Variants in IBTK observed in about 807,000 individuals in gnomAD.
IBTK encodes BTK-binding protein.
A neutral mutation model predicts 154.9 loss-of-function variants in IBTK; 83 were observed. The observed-to-expected ratio is 0.54, with a 90% CI of 0.45 to 0.64. IBTK has a LOEUF of 0.64. IBTK is among the 30% of genes least tolerant of loss of function. The pLI, the probability that IBTK is intolerant of heterozygous loss-of-function variation, is 0.00. For synonymous variants in IBTK, 515 were observed against 536.1 expected (o/e 0.96, Z 0.54); for missense variants, 1,332 against 1,584.6 (o/e 0.84, Z 2.71).
intron 11 of IBTK, among the ~76,000 whole-genome samples, chr6:82,215,081 G>A (rs569346203): frequency 3.7e-4 from 56 of 151,872 alleles, no homozygotes; most frequent in African/African-American, 1.1e-3. Context: ...TAAGTTGTCC[G>A]TATCCCTGGT....
chr6:82,173,415 C>T lies in IBTK; in HGVS notation c.3749G>A (p.Gly1250Glu), dbSNP rs767308341. 6.2e-7 allele frequency: 1 copy of T among 1,613,462 alleles called. No individual in the cohort carries two copies. The highest frequency in any genetic ancestry group is 2.2e-5 in the East Asian group (1 of 44,858). Residue 1250 changes from glycine (G) to glutamate (E), a missense_variant, in exon 27 of 29, where the codon GGA becomes GAA. Transcript: ENST00000306270. ...IVRCSTHGTP[G>E]PEGNHISDLP... ...ATCTGAAATATGGTTGCCTTCTGGTCCTGGGGTACCATGGGTAGAGCATCT... is the reference window on the plus strand; with the variant it reads ...ATCTGAAATATGGTTGCCTTCTGGTTCTGGGGTACCATGGGTAGAGCATCT...
chr6:82,209,218 G>T (rs1305580180), intron 16 of IBTK, among the ~76,000 whole-genome samples: 1 of 152,138 alleles, frequency 6.6e-6, no homozygotes, highest in Non-Finnish European at 1.5e-5. Flanking sequence ...TCCGCTTCTA[G>T]GTATATGCCC....
intron 26 of IBTK, chr6:82,174,958 T>G (rs552117526): frequency 8.8e-6 from 4 of 456,046 alleles, no homozygotes; most frequent in Non-Finnish European, 1.8e-5. Context: ...CTTCTCACTC[T>G]TTTACAGTTG....
intron 1 of IBTK, among the ~76,000 whole-genome samples, chr6:82,246,783 T>G (rs1771164470): frequency 6.6e-6 from 1 of 152,264 alleles, no homozygotes; most frequent in African/African-American, 2.4e-5. Flanking sequence ...GGCAAGCCTG[T>G]GAATTTACAC....
intron 9 of IBTK, among the ~76,000 whole-genome samples, 154 bp from the exon 10 acceptor site, chr6:82,218,291 A>C (rs1280992699): frequency 6.6e-6 from 1 of 152,234 alleles, no homozygotes; most frequent in South Asian, 2.1e-4. Flanking sequence ...GATAGCTACT[A>C]TAAGAAAAAT....
chr6:82,227,131 T>C, intron 5 of IBTK, 61 bp downstream of exon 5: 1 of 1,136,824 alleles, frequency 8.8e-7, no homozygotes, highest in Non-Finnish European at 1.3e-6. Flanking sequence ...GTTAATTAAA[T>C]CTTTCAGCTT....
intron 26 of IBTK, among the ~76,000 whole-genome samples, chr6:82,176,164 T>C (rs1363529892): frequency 6.6e-6 from 1 of 152,172 alleles, no homozygotes; most frequent in Non-Finnish European, 1.5e-5. Flanking sequence ...GATTTTTATA[T>C]CAGATTGGAG....
chr6:82,225,590 T>C lies in IBTK; in HGVS notation c.712A>G (p.Lys238Glu), dbSNP rs1172470498. The C allele has an allele frequency of 6.2e-7, 1 of 1,613,558 alleles. No homozygotes were observed. Among genetic ancestry groups the C allele is most frequent in the Non-Finnish European group, 8.5e-7 (1 of 1,179,766 alleles). The change falls in exon 6 of 29, where the codon AAG (lysine) becomes GAG (glutamate). Residue 238 changes from lysine to glutamate, a missense_variant. Physicochemically the swap from Lys to Glu is moderately conservative, Grantham distance 56. Around this residue, in one of 3 missense-constraint regions of IBTK, gnomAD observed 114 missense variants for 213.7 expected, o/e 0.53. Transcript: ENST00000306270. ...GHNCSQVAAAKDHTVVLTEDG... is the reference protein window; with the variant it reads ...GHNCSQVAAAEDHTVVLTEDG... ...TCAGTTAATACAACAGTATGATCCT[T>C]AGCAGCTGCCACTTGGGAACAATTA...
In IBTK at chr6:82,240,773, G is replaced by A. The variant is rs1023707565; in HGVS notation, c.-287C>T. ...ATTATTCCTGGAGTCAAGCACCAAG[G>A]GGGAGTGAGGAGGGGAACTCCCCCT... On this transcript the variant is annotated 5_prime_UTR_variant, in exon 2 of 29. Coordinates refer to ENST00000306270, the MANE Select transcript of IBTK (RefSeq NM_015525.4). 4.4e-6 allele frequency: 2 copies of A among 454,436 alleles called. No homozygotes were observed. Among genetic ancestry groups the A allele is most frequent in the Non-Finnish European group, 7.7e-6 (2 of 260,584 alleles). The allele number at this position is 454,436 out of a possible 1,614,324, so 28.2% of individuals were successfully genotyped here.
chr6:82,210,997 A>G (rs938107643), intron 15 of IBTK, 87 bp from the exon 16 acceptor site: 2 of 634,132 alleles, frequency 3.2e-6, no homozygotes, highest in Non-Finnish European at 5.0e-6. Flanking sequence ...GGTACAAAAC[A>G]CTCTGAACAG....
chr6:82,177,196 T>C (rs1380153850), intron 26 of IBTK, among the ~76,000 whole-genome samples: 1 of 138,576 alleles, frequency 7.2e-6, no homozygotes, highest in Non-Finnish European at 1.7e-5. Flanking sequence ...TTTCTTTTTG[T>C]TTTGTTGTTG....
intron 5 of IBTK, 115 bp from the exon 6 acceptor site, chr6:82,225,762 T>G: frequency 2.8e-6 from 2 of 724,798 alleles, no homozygotes; most frequent in Non-Finnish European, 4.4e-6. Context: ...GATACATGGC[T>G]GTATCTATCA....
chr6:82,194,681 C>T, intron 22 of IBTK, 39 bp from the exon 23 acceptor site: 1 of 1,443,092 alleles, frequency 6.9e-7, no homozygotes, highest in Non-Finnish European at 9.2e-7. Context: ...TAACAGGCAC[C>T]TAGAACAGTA....
At chr6:82,246,525 A>AC (rs920428499) in intron 1 of IBTK, among the ~76,000 whole-genome samples, 1 of 143,302 alleles carries the variant, frequency 7.0e-6, no homozygotes, top group Non-Finnish European at 1.5e-5. Flanking sequence ...GCTCACTGCA[A>AC]CCTCCACCTC....
At chr6:82,182,199 C>T (rs1466784482) in intron 25 of IBTK, among the ~76,000 whole-genome samples, 171 bp from the exon 26 acceptor site, 2 of 151,892 alleles carry the variant, frequency 1.3e-5, no homozygotes, top group Non-Finnish European at 2.9e-5. Flanking sequence ...AAAACTATTC[C>T]ATAAGAAAAA....
intron 21 of IBTK, among the ~76,000 whole-genome samples, chr6:82,198,310 A>C (rs1769076883): frequency 6.6e-6 from 1 of 152,138 alleles, no homozygotes; most frequent in South Asian, 2.1e-4. Flanking sequence ...CTCCTTCTAA[A>C]CACTAACGGT....
chr6:82,225,486 T>C lies in IBTK; in HGVS notation c.816A>G (p.Val272=). ...GIIPPPSSCN[V]PRQIQAKYLK... ...AAAGAGTAAAGCTTACCTGTCTGGG[T>C]ACATTACAACTGGAAGGCGGTGGAA... The change falls in exon 6 of 29, where the codon GTA becomes GTG. Residue 272 remains valine, a synonymous_variant. Transcript: ENST00000306270. The C allele has an allele frequency of 6.2e-7, 1 of 1,612,700 alleles. No individual in the cohort carries two copies. Among genetic ancestry groups the C allele is most frequent in the Non-Finnish European group, 8.5e-7 (1 of 1,179,264 alleles).
At chr6:82,188,728 T>C (rs1582192790) in intron 25 of IBTK, among the ~76,000 whole-genome samples, 1 of 152,134 alleles carries the variant, frequency 6.6e-6, no homozygotes, top group East Asian at 1.9e-4. Context: ...TTAAAAGGCA[T>C]ATATGTGGAC....
intron 1 of IBTK, among the ~76,000 whole-genome samples, chr6:82,246,020 C>G (rs1771130714): frequency 1.3e-5 from 2 of 152,082 alleles, no homozygotes; most frequent in Admixed American, 1.3e-4. Flanking sequence ...TTATTATTGC[C>G]CCTGTAAATA....
Sources: gnomAD v4.1 joint callset for allele counts (sites outside exome capture counted in the v4.1 genomes callset) on GRCh38, gnomAD v4.1.1 for gene constraint, gnomAD v4.1.1 regional missense constraint, MANE v1.5 for transcripts, NCBI Gene and HGNC (gene_info 2026-07-23, HGNC 2026-07-21) for gene names.